Variants in PI4K2A observed in about 807,000 individuals in gnomAD.
PI4K2A encodes the protein phosphatidylinositol 4-kinase type 2 alpha, also known as phosphatidylinositol 4-kinase type 2-alpha.
A neutral mutation model predicts 55.0 loss-of-function variants in PI4K2A; 20 were observed. The ratio of observed to expected loss-of-function variants is 0.36; its 90% CI spans 0.26 to 0.53. The LOEUF (loss-of-function observed/expected upper bound fraction) is 0.53. Among genes scored for constraint, PI4K2A ranks in the 20% least tolerant of loss-of-function variants. The probability of loss-of-function intolerance (pLI) is 0.91; values close to 1 mark genes in which losing one functional copy is unlikely to be tolerated. For missense variants in PI4K2A, 463 were observed against 637.1 expected, an observed-to-expected ratio of 0.73 and a Z score of 2.94; for synonymous variants, 235 against 258.5, an observed-to-expected ratio of 0.91 and a Z score of 0.87.
intron 2 of PI4K2A, among the ~76,000 whole-genome samples, chr10:97,653,881 C>T (rs774430731): frequency 2.0e-5 from 3 of 151,778 alleles, no homozygotes; most frequent in Admixed American, 6.6e-5. Flanking sequence ...TGTGCCACCA[C>T]ACTCTATCCT....
chr10:97,649,119 C>A (rs1275480360), intron 1 of PI4K2A, among the ~76,000 whole-genome samples: 1 of 152,154 alleles, frequency 6.6e-6, no homozygotes, highest in Non-Finnish European at 1.5e-5. Context: ...TCTGCTGTGA[C>A]CTGCCATTCA....
In PI4K2A at chr10:97,672,791, A is replaced by ACATGATCT. The variant is rs971054702; in HGVS notation, c.1279-787_1279-780dup. Among the ~76,000 whole-genome samples, 47 of 117,804 alleles carry ACATGATCT rather than the reference A, an allele frequency of 4.0e-4. 1 individual carries two copies. Among genetic ancestry groups the ACATGATCT allele is most frequent in the Admixed American group, 2.3e-4 (2 of 8,768 alleles). The allele number at this position is 117,804 out of a possible 152,430, so 77.3% of individuals were successfully genotyped here. On this transcript the variant is annotated intron_variant, in intron 8 of 8. Coordinates refer to ENST00000370631, the Ensembl canonical transcript of PI4K2A. ...CTGTTGCCCAGGCTGGAGTACGGTG[A>ACATGATCT]CATGATCTCAGCTCACTGCAACCTC...
chr10:97,666,869 A>G (rs2041612211), intron 7 of PI4K2A, among the ~76,000 whole-genome samples, 192 bp from the exon 8 acceptor site: 1 of 152,222 alleles, frequency 6.6e-6, no homozygotes. Flanking sequence ...TTTGAGATGC[A>G]GAGGAAGATA....
chr10:97,640,718 G>C, exon 1 of PI4K2A: 2 of 1,450,090 alleles, frequency 1.4e-6, no homozygotes, highest in Non-Finnish European at 1.8e-6. Flanking sequence ...GAGCGCGCCG[G>C]GTCCCGGAGC....
upstream of PI4K2A, chr10:97,640,673 C>A: frequency 1.7e-6 from 2 of 1,182,928 alleles, no homozygotes; most frequent in South Asian, 1.9e-5. Context: ...TGGGGGATGT[C>A]ACGGATTGGT....
At chr10:97,651,180 A>C in intron 2 of PI4K2A, 39 bp downstream of exon 2, 1 of 1,516,300 alleles carries the variant, frequency 6.6e-7, no homozygotes, top group Non-Finnish European at 9.1e-7. Flanking sequence ...CTGCCTGGCC[A>C]CAGTTTTCCT....
intron 1 of PI4K2A, among the ~76,000 whole-genome samples, chr10:97,642,815 CTT>C (rs2041478074): frequency 2.0e-4 from 1 of 5,032 alleles, no homozygotes; most frequent in East Asian, 0.013. Flanking sequence ...TTCTTCCTTC[CTT>C]CCTTCCTTCC....
At chr10:97,671,228 T>A (rs2041633706) in intron 8 of PI4K2A, among the ~76,000 whole-genome samples, 1 of 152,142 alleles carries the variant, frequency 6.6e-6, no homozygotes, top group Non-Finnish European at 1.5e-5. Flanking sequence ...TGATACTAAT[T>A]TTGACAAAGA....
chr10:97,673,865 T>C lies in PI4K2A; in HGVS notation c.*123T>C, dbSNP rs892761656. ...ACCTTTAAGAGCCCTCTCTCTCTGC[T>C]TGCCACCCTGCTCAGAGCTTTCCAC... On this transcript the variant is annotated 3_prime_UTR_variant, in exon 9 of 9. Coordinates refer to ENST00000370631, the Ensembl canonical transcript of PI4K2A. 78 of 828,858 alleles carry C rather than the reference T, an allele frequency of 9.4e-5. No homozygotes were observed. The Middle Eastern group carries it at 4.5e-3, about 48-fold the overall frequency. 51.3% of individuals were successfully genotyped at this position (828,858 alleles called of 1,614,324 possible).
chr10:97,665,632 G>A (rs186900017), intron 6 of PI4K2A, among the ~76,000 whole-genome samples: 46 of 148,476 alleles, frequency 3.1e-4, no homozygotes, highest in Admixed American at 2.7e-3. Context: ...TTGCCCTGTC[G>A]CCCAGGCTGG....
chr10:97,669,534 G>A (rs1444522411), intron 8 of PI4K2A, among the ~76,000 whole-genome samples: 1 of 152,106 alleles, frequency 6.6e-6, no homozygotes, highest in Admixed American at 6.6e-5. Context: ...AGGAGCTTTT[G>A]GTATCTTGTA....
exon 9 of PI4K2A, chr10:97,673,599 G>A: frequency 1.2e-6 from 2 of 1,613,966 alleles, no homozygotes; most frequent in Non-Finnish European, 1.7e-6. Context: ...TCTGACCCAG[G>A]CCTTGAAAGA....
chr10:97,640,876 G>A (rs1204242501), exon 1 of PI4K2A: 1 of 1,307,644 alleles, frequency 7.6e-7, no homozygotes, highest in Non-Finnish European at 9.7e-7. Context: ...GCCGGCTCGG[G>A]CCCCTCTCCG....
At chr10:97,675,779 C>G (rs915124802) in exon 9 of PI4K2A, 1 of 152,788 alleles carries the variant, frequency 6.5e-6, no homozygotes, top group African/African-American at 2.4e-5. Flanking sequence ...CCTTTCCTGG[C>G]CTTTCTCCAC....
chr10:97,642,303 A>G (rs2041473742), intron 1 of PI4K2A, among the ~76,000 whole-genome samples: 1 of 151,856 alleles, frequency 6.6e-6, no homozygotes, highest in African/African-American at 2.4e-5. Flanking sequence ...ATCAAGAATT[A>G]GAGAACAATT....
chr10:97,649,215 T>C (rs1370596996), intron 1 of PI4K2A, among the ~76,000 whole-genome samples: 1 of 152,212 alleles, frequency 6.6e-6, no homozygotes, highest in Admixed American at 6.5e-5. Context: ...AGTCATATGA[T>C]ATGAGGATGA....
chr10:97,659,177 G>A (rs1358000398), intron 4 of PI4K2A, among the ~76,000 whole-genome samples: 1 of 152,150 alleles, frequency 6.6e-6, no homozygotes, highest in African/African-American at 2.4e-5. Context: ...TGGGACTACA[G>A]GTGTGAGGAC....
At chr10:97,648,059 G>A (rs1163771171) in intron 1 of PI4K2A, among the ~76,000 whole-genome samples, 1 of 151,014 alleles carries the variant, frequency 6.6e-6, no homozygotes, top group Non-Finnish European at 1.5e-5. Flanking sequence ...CCGAGTAGCT[G>A]GGACTACAGG....
intron 1 of PI4K2A, among the ~76,000 whole-genome samples, chr10:97,646,448 C>CT (rs1404613190): frequency 6.6e-6 from 1 of 152,060 alleles, no homozygotes; most frequent in Non-Finnish European, 1.5e-5. Flanking sequence ...AACTCCTGAT[C>CT]TCAGGTGATC....
Sources: allele counts gnomAD v4.1 joint callset (sites outside exome capture counted in the v4.1 genomes callset), GRCh38; gene constraint gnomAD v4.1.1; transcripts MANE v1.5; gene names NCBI Gene and HGNC (gene_info 2026-07-23, HGNC 2026-07-21).